The following ZDBF2 variants were observed in gnomAD, a reference collection of about 807,000 sequenced individuals.
The protein encoded by ZDBF2 is zinc finger DBF-type containing 2.
ZDBF2 carries 6 observed loss-of-function variants against 9.4 expected under a neutral mutation model. That is an observed-to-expected ratio of 0.64 (90% CI 0.35 to 1.27). ZDBF2 has a LOEUF of 1.27. Among genes scored for constraint, ZDBF2 ranks in the 50% most tolerant of loss-of-function variants. The pLI is 0.03. For synonymous variants in ZDBF2, 905 were observed against 946.3 expected, an observed-to-expected ratio of 0.96 and a Z score of 0.80; for missense variants, 2,697 against 2,766.8, an observed-to-expected ratio of 0.97 and a Z score of 0.57.
At position 206,310,974 on chromosome 2, in the gene ZDBF2, C is replaced by T. The variant is rs1474095997; in HGVS notation, c.6446C>T (p.Thr2149Ile). The T allele has an allele frequency of 6.2e-6, 10 of 1,613,514 alleles. No individual in the cohort carries two copies. Among genetic ancestry groups the T allele is most frequent in the Non-Finnish European group, 7.6e-6 (9 of 1,179,826 alleles). ...ELPKKRNFQL[T>I]FLNHDVVKIS... is the part of the protein sequence containing the mutation. ...CCAAAGAAAAGAAATTTCCAGCTAA[C>T]ATTTTTAAATCATGATGTTGTCAAA... The change falls in exon 5 of 5, where the codon ACA (threonine) becomes ATA (isoleucine). Residue 2149 changes from threonine to isoleucine, a missense_variant. Around this residue, in one of 3 missense-constraint regions of ZDBF2, gnomAD observed 1,783 missense variants for 1,776.5 expected, o/e 1.00. Transcript: ENST00000374423.
At position 206,285,513 on chromosome 2, in the gene ZDBF2, GTTGT is replaced by G. The variant is rs540630884; in HGVS notation, c.60+3608_60+3611del. Among the ~76,000 whole-genome samples the G allele has an allele frequency of 2.2e-3, 333 of 152,218 alleles. 1 individual carries two copies. The highest frequency in any genetic ancestry group is 4.1e-3 in the South Asian group (20 of 4,820). ...GATTATTTCCTTTTGTTGTCATTGA[GTTGT>G]TTGAGTATTCCATATTCCAGGTATT... On this transcript the variant is annotated intron_variant, in intron 3 of 4. Transcript: ENST00000374423.
At position 206,307,274 on chromosome 2, in the gene ZDBF2, G is replaced by A. The variant is rs1208823098; in HGVS notation, c.2746G>A (p.Val916Ile). The A allele has an allele frequency of 5.6e-6, 9 of 1,607,608 alleles. No homozygotes were observed. In the Admixed American group the frequency reaches 1.5e-4, roughly 27 times the overall value. The change falls in exon 5 of 5, where the codon GTA becomes ATA. Residue 916 changes from valine (V) to isoleucine (I), a missense_variant. Transcript: ENST00000374423. The part of the protein sequence containing the change: ...NKENEPIDSE[V>I]SLDYNIIFHS... ...GGAAAATGAACCTATTGATTCTGAA[G>A]TAAGTTTGGATTATAATATCATTTT...
Position 206,310,733 on chromosome 2 carries a change from A to G in ZDBF2, c.6205A>G (p.Ile2069Val), listed in dbSNP as rs370168620. Residue 2069 changes from isoleucine to valine, a missense_variant, in exon 5 of 5, where the codon ATA becomes GTA. Ile to Val is a conservative substitution (Grantham distance 29, BLOSUM62 3). Transcript: ENST00000374423. ...TGTAATTAGTCCTCCCCTGAGTGTA[A>G]TAGTACCAGAGTTTGAGAGGCGTAA... is the stretch of plus-strand genomic sequence containing the variant. ...QIVISPPLSV[I>V]VPEFERRNWV... 8.1e-6 allele frequency: 13 copies of G among 1,613,798 alleles called. No individual in the cohort carries two copies. The highest frequency in any genetic ancestry group is 1.1e-5 in the Non-Finnish European group (13 of 1,179,874).
intron 3 of ZDBF2, among the ~76,000 whole-genome samples, chr2:206,287,144 T>A (rs1691645636): frequency 6.6e-6 from 1 of 152,230 alleles, no homozygotes; most frequent in African/African-American, 2.4e-5. Context: ...CTCTTTCTCC[T>A]TTGCATGTCT....
intron 3 of ZDBF2, among the ~76,000 whole-genome samples, chr2:206,286,605 C>T (rs1326905610): frequency 6.6e-6 from 1 of 151,636 alleles, no homozygotes; most frequent in Non-Finnish European, 1.5e-5. Context: ...CCATGTTGTC[C>T]TTGCTGGCCT....
chr2:206,306,927 C>T lies in ZDBF2; in HGVS notation c.2399C>T (p.Ser800Leu). 1.9e-6 allele frequency: 3 copies of T among 1,613,594 alleles called. No homozygotes were observed. In the African/African-American group the frequency reaches 4.0e-5, roughly 22 times the overall value. Residue 800 changes from serine to leucine, a missense_variant, in exon 5 of 5, where the codon TCA (serine) becomes TTA (leucine). Transcript: ENST00000374423. Reference protein sequence around the residue: ...ITFDSDIPLYSVIDQPEVAVY... With the variant: ...ITFDSDIPLYLVIDQPEVAVY... ...TTTGATTCTGATATTCCTCTTTATT[C>T]AGTAATTGACCAACCTGAAGTAGCT...
rs1481214952 is a variant in ZDBF2 at position 206,309,642 on chromosome 2, C to G, written c.5114C>G (p.Ser1705Cys). The G allele has an allele frequency of 1.3e-5, 21 of 1,613,932 alleles. No individual in the cohort carries two copies. In the East Asian group the frequency reaches 4.7e-4, roughly 36 times the overall value. ...NAGLKGKSCQSSASAVDFGAS... is the reference protein window; with the variant it reads ...NAGLKGKSCQCSASAVDFGAS... ...GGCCTAAAAGGTAAGAGCTGTCAGT[C>G]TAGTGCTTCTGCAGTGGATTTTGGT... is the stretch of plus-strand genomic sequence containing the variant. Residue 1705 changes from serine (S) to cysteine (C), a missense_variant, in exon 5 of 5, where the codon TCT becomes TGT. Around this residue, in one of 3 missense-constraint regions of ZDBF2, gnomAD observed 1,783 missense variants for 1,776.5 expected, o/e 1.00. Transcript: ENST00000374423.
At chr2:206,292,151 G>T (rs1270585520) in intron 3 of ZDBF2, 2 of 398,098 alleles carry the variant, frequency 5.0e-6, no homozygotes, top group Non-Finnish European at 8.9e-6. Flanking sequence ...AGTGAATACT[G>T]TCTTGTGGGA....
At chr2:206,303,486 T>C (rs1395370397) in intron 4 of ZDBF2, among the ~76,000 whole-genome samples, 1 of 152,186 alleles carries the variant, frequency 6.6e-6, no homozygotes. Context: ...CAGTTGGTTT[T>C]ATGTACATGA....
chr2:206,305,515 C>T lies in ZDBF2; in HGVS notation c.987C>T (p.Asn329=), dbSNP rs369411119. 2.3e-5 allele frequency: 37 copies of T among 1,613,316 alleles called. No individual in the cohort carries two copies. Among genetic ancestry groups the T allele is most frequent in the Non-Finnish European group, 3.1e-5 (36 of 1,179,756 alleles). The stretch of plus-strand genomic sequence containing the variant: ...TCTTTGAAGATACTATTGCAAAGAA[C>T]CATGAGGAATTCTTTTCTAACATGG... ...KGIFEDTIAK[N]HEEFFSNMDC... Residue 329 remains asparagine (N), a synonymous_variant, in exon 5 of 5, where the codon AAC becomes AAT. Coordinates refer to ENST00000374423, the MANE Select transcript of ZDBF2 (RefSeq NM_020923.3).
chr2:206,298,346 C>T (rs1386999373), intron 4 of ZDBF2, among the ~76,000 whole-genome samples: 1 of 152,118 alleles, frequency 6.6e-6, no homozygotes, highest in Admixed American at 6.5e-5. Flanking sequence ...GAGATGTGCA[C>T]CAGTTAGTAG....
At position 206,309,522 on chromosome 2, in the gene ZDBF2, G is replaced by A; in HGVS notation, c.4994G>A (p.Gly1665Glu). The change falls in exon 5 of 5, where the codon GGA becomes GAA. Residue 1665 changes from glycine to glutamate, a missense_variant. By Grantham distance (98) the Gly-to-Glu change is moderately conservative. Around this residue, in one of 3 missense-constraint regions of ZDBF2, gnomAD observed 1,783 missense variants for 1,776.5 expected, o/e 1.00. Coordinates refer to ENST00000374423, the MANE Select transcript of ZDBF2 (RefSeq NM_020923.3). ...AGCTGTGGATATAATGGTTCTAAAGGAAAATTTAATTTGGAAGACACTTCT... is the reference window on the plus strand; with the variant it reads ...AGCTGTGGATATAATGGTTCTAAAGAAAAATTTAATTTGGAAGACACTTCT... ...DKSCGYNGSK[G>E]KFNLEDTSHR... The A allele has an allele frequency of 6.2e-7, 1 of 1,613,932 alleles. No homozygotes were observed. The highest frequency in any genetic ancestry group is 8.5e-7 in the Non-Finnish European group (1 of 1,179,884).
Position 206,310,150 on chromosome 2 carries a change from A to G in ZDBF2, c.5622A>G (p.Lys1874=). 1 of 1,613,484 alleles carries G rather than the reference A, an allele frequency of 6.2e-7. No homozygotes were observed. Among genetic ancestry groups the G allele is most frequent in the Non-Finnish European group, 8.5e-7 (1 of 1,179,734 alleles). Residue 1874 remains lysine (K), a synonymous_variant, in exon 5 of 5, where the codon AAA becomes AAG. Coordinates refer to ENST00000374423, the MANE Select transcript of ZDBF2 (RefSeq NM_020923.3). The stretch of plus-strand genomic sequence containing the variant: ...AAAAAGTTTCTTCGAAGGGGAAAAA[A>G]AAGGTTACCTGGGCTGACTTGCAAG... ...ETKKVSSKGK[K]KVTWADLQGK...
At chr2:206,276,250 A>G (rs985114927) in intron 1 of ZDBF2, among the ~76,000 whole-genome samples, 2 of 152,232 alleles carry the variant, frequency 1.3e-5, no homozygotes, top group Non-Finnish European at 2.9e-5. Context: ...AAAAAAAGTA[A>G]GATCGCATAG....
chr2:206,281,959 C>G (rs758365859), intron 3 of ZDBF2, 50 bp downstream of exon 3: 1 of 1,461,332 alleles, frequency 6.8e-7, no homozygotes, highest in Non-Finnish European at 9.4e-7. Context: ...CTAGTTGTGA[C>G]TTTCTCTTAC....
intron 3 of ZDBF2, among the ~76,000 whole-genome samples, chr2:206,295,377 T>C (rs1692116132): frequency 6.8e-6 from 1 of 147,216 alleles, no homozygotes; most frequent in African/African-American, 2.5e-5. Flanking sequence ...TTTTTTTTTT[T>C]TTTTGAGACA....
chr2:206,289,837 C>T (rs571079617), intron 3 of ZDBF2, among the ~76,000 whole-genome samples: 1 of 152,186 alleles, frequency 6.6e-6, no homozygotes, highest in Non-Finnish European at 1.5e-5. Flanking sequence ...TCTTGCTTGC[C>T]TCCTTGCTAT....
rs930774927 is a variant in ZDBF2, at chr2:206,313,095, C to A, written c.*1502C>A. On this transcript the variant is annotated 3_prime_UTR_variant, in exon 5 of 5. Transcript: ENST00000374423. ...TGTTAAGAGGAAACATGAATTACAACTATATTGTATGACTGCCATATTTTA... is the reference window on the plus strand; with the variant it reads ...TGTTAAGAGGAAACATGAATTACAAATATATTGTATGACTGCCATATTTTA... 2 of 152,090 alleles carry A rather than the reference C, an allele frequency of 1.3e-5. No homozygotes were observed. The highest frequency in any genetic ancestry group is 2.9e-5 in the Non-Finnish European group (2 of 68,024). 9.4% of individuals were successfully genotyped at this position (152,090 alleles called of 1,614,324 possible).
intron 3 of ZDBF2, among the ~76,000 whole-genome samples, chr2:206,284,159 T>G (rs1038874536): frequency 2.6e-5 from 4 of 152,090 alleles, no homozygotes; most frequent in Non-Finnish European, 1.5e-5. Context: ...GTATAGGGTG[T>G]GAGATAGGGC....
Sources: gnomAD v4.1 joint callset for allele counts (sites outside exome capture counted in the v4.1 genomes callset) on GRCh38, gnomAD v4.1.1 for gene constraint, gnomAD v4.1.1 regional missense constraint, MANE v1.5 for transcripts, NCBI Gene and HGNC (gene_info 2026-07-23, HGNC 2026-07-21) for gene names.